Variants in FAXC observed in about 807,000 individuals in gnomAD.
FAXC encodes the protein failed axon connections homolog, metaxin like GST domain containing.
FAXC carries 10 observed loss-of-function variants against 41.9 expected under a neutral mutation model. That is an observed-to-expected ratio of 0.24 (90% CI 0.15 to 0.41). The LOEUF is 0.41. FAXC is among the 10% of genes least tolerant of loss of function. The probability of loss-of-function intolerance (pLI) is 1.00; values close to 1 mark genes in which losing one functional copy is unlikely to be tolerated. For missense variants in FAXC, 399 were observed against 510.9 expected (o/e 0.78, Z 2.11); for synonymous variants, 183 against 183.8 (o/e 1.00, Z 0.03).
chr6:99,297,654 C>A (rs1427257276), intron 4 of FAXC, among the ~76,000 whole-genome samples: 1 of 152,170 alleles, frequency 6.6e-6, no homozygotes, highest in African/African-American at 2.4e-5. Flanking sequence ...TGTATGAGAG[C>A]TGACAGTGTG....
In FAXC at chr6:99,323,647, C is replaced by G; in HGVS notation, c.620G>C (p.Trp207Ser). The part of the protein sequence containing the change: ...HFYWTLAYCQ[W>S]VDNLNETRKM... ...CCGGGTCTCATTGAGATTGTCCACC[C>G]ACTGGCAATAAGCTAATGTCCTGGA... The change falls in exon 4 of 6, where the codon TGG becomes TCG. Residue 207 changes from tryptophan (W) to serine (S), a missense_variant. By Grantham distance (177) the Trp-to-Ser change is radical (BLOSUM62 -3). Transcript: ENST00000389677. 1.2e-6 allele frequency: 2 copies of G among 1,614,182 alleles called. No individual in the cohort carries two copies. The highest frequency in any genetic ancestry group is 1.7e-6 in the Non-Finnish European group (2 of 1,180,006).
At chr6:99,310,057 C>T (rs1484606473) in intron 4 of FAXC, 12 of 187,410 alleles carry the variant, frequency 6.4e-5, no homozygotes, top group Admixed American at 2.0e-4. Context: ...ACTCTCGGAG[C>T]TGTTTTAAGA....
At chr6:99,343,357 T>C (rs1381049339) in intron 1 of FAXC, among the ~76,000 whole-genome samples, 1 of 152,196 alleles carries the variant, frequency 6.6e-6, no homozygotes, top group Non-Finnish European at 1.5e-5. Flanking sequence ...CTAGTACTGG[T>C]CCACCTATTC....
rs1273074342 is a variant in FAXC at position 99,333,496 on chromosome 6, A to G, written c.454T>C (p.Tyr152His). 4.3e-6 allele frequency: 7 copies of G among 1,613,956 alleles called. No homozygotes were observed. Among genetic ancestry groups the G allele is most frequent in the African/African-American group, 1.3e-5 (1 of 74,926 alleles). ...SAQGKMPWIE[Y>H]NHEKVSGTEF... ...GTGCCAGAAACTTTTTCATGATTATATTCAATCCAAGGCATTTTCCCTTGA... is the reference window on the plus strand; with the variant it reads ...GTGCCAGAAACTTTTTCATGATTATGTTCAATCCAAGGCATTTTCCCTTGA... Residue 152 changes from tyrosine to histidine, a missense_variant, in exon 3 of 6, where the codon TAT becomes CAT. Physicochemically the swap from Tyr to His is moderately conservative, Grantham distance 83. Transcript: ENST00000389677.
chr6:99,327,381 T>C (rs1438739046), intron 3 of FAXC, among the ~76,000 whole-genome samples: 1 of 152,202 alleles, frequency 6.6e-6, no homozygotes, highest in Non-Finnish European at 1.5e-5. Context: ...CCTGTTGACA[T>C]GGTTGGAGCC....
At chr6:99,324,769 G>T (rs980823568) in intron 3 of FAXC, among the ~76,000 whole-genome samples, 1 of 152,182 alleles carries the variant, frequency 6.6e-6, no homozygotes, top group Non-Finnish European at 1.5e-5. Context: ...AGAGAATGCA[G>T]CTGTGTGCGA....
At chr6:99,311,543 C>G (rs1359832935) in intron 4 of FAXC, among the ~76,000 whole-genome samples, 2 of 152,140 alleles carry the variant, frequency 1.3e-5, no homozygotes, top group Non-Finnish European at 1.5e-5. Flanking sequence ...CCACTGCACT[C>G]TAGCCTGGGC....
At chr6:99,335,009 T>C (rs191602935) in intron 2 of FAXC, among the ~76,000 whole-genome samples, 28 of 152,330 alleles carry the variant, frequency 1.8e-4, no homozygotes, top group Non-Finnish European at 3.4e-4. Context: ...TGTAAAGTCC[T>C]ATATCCATGC....
chr6:99,273,957 A>G lies in FAXC; in HGVS notation c.*7207T>C, dbSNP rs1770508595. ...AGTTTTACTAATAGGGTGAATAAAC[A>G]TAAACGTTTGGAGACCACTGCCTAA... On this transcript the variant is annotated 3_prime_UTR_variant, in exon 6 of 6. Transcript: ENST00000389677. 6.6e-6 allele frequency: 1 copy of G among 152,192 alleles called. No homozygotes were observed. The highest frequency in any genetic ancestry group is 1.5e-5 in the Non-Finnish European group (1 of 68,032). 9.4% of individuals were successfully genotyped at this position (152,192 alleles called of 1,614,324 possible). A position where few individuals can be genotyped will look rare whatever the true frequency, so the allele number is the denominator to read the frequency against.
Position 99,342,891 on chromosome 6 carries a change from C to T in FAXC, c.402+7G>A. The T allele has an allele frequency of 1.3e-6, 2 of 1,593,870 alleles. No homozygotes were observed. Among genetic ancestry groups the T allele is most frequent in the South Asian group, 2.3e-5 (2 of 86,538 alleles). ...CATAAAAAGAAAACATATTTGCACA[C>T]AAGTACCTGATACGGTAAGTCAGCC... On this transcript the variant is annotated splice_region_variant and intron_variant, in intron 2 of 5. Coordinates refer to ENST00000389677, the MANE Select transcript of FAXC (RefSeq NM_032511.4).
intron 4 of FAXC, among the ~76,000 whole-genome samples, chr6:99,300,846 T>C (rs1365640601): frequency 6.6e-6 from 1 of 152,222 alleles, no homozygotes. Flanking sequence ...CACAATGTCA[T>C]GTTGAAATTT....
At position 99,275,495 on chromosome 6, in the gene FAXC, T is replaced by G. The variant is rs965721489; in HGVS notation, c.*5669A>C. The G allele has an allele frequency of 5.3e-5, 8 of 152,202 alleles. No individual in the cohort carries two copies. The highest frequency in any genetic ancestry group is 1.9e-4 in the African/African-American group (8 of 41,462). The allele number at this position is 152,202 out of a possible 1,614,324, so 9.4% of individuals were successfully genotyped here. A position where few individuals can be genotyped will look rare whatever the true frequency, so the allele number is the denominator to read the frequency against. ...TTTAAGGCAATCATCCTTATGAAAT[T>G]TGAGCATCCTAGTTTGTCATGGTCC... On this transcript the variant is annotated 3_prime_UTR_variant, in exon 6 of 6. Transcript: ENST00000389677.
At chr6:99,335,780 C>G (rs1773195565) in intron 2 of FAXC, among the ~76,000 whole-genome samples, 1 of 152,188 alleles carries the variant, frequency 6.6e-6, no homozygotes, top group Admixed American at 6.5e-5. Context: ...CACCAATTAT[C>G]TATTTCTAAC....
intron 3 of FAXC, among the ~76,000 whole-genome samples, chr6:99,330,948 G>A (rs1025397032): frequency 2.0e-5 from 3 of 152,280 alleles, no homozygotes; most frequent in African/African-American, 4.8e-5. Flanking sequence ...GGGGAAAGGA[G>A]GGTCTTTTCT....
chr6:99,281,553 C>T (rs1770837254), intron 5 of FAXC, 100 bp from the exon 6 acceptor site: 2 of 954,814 alleles, frequency 2.1e-6, no homozygotes, highest in Non-Finnish European at 3.2e-6. Context: ...GAAATCCTGA[C>T]TCCCAATGTG....
chr6:99,301,523 G>C (rs932158517), intron 4 of FAXC, among the ~76,000 whole-genome samples: 1 of 152,152 alleles, frequency 6.6e-6, no homozygotes, highest in African/African-American at 2.4e-5. Flanking sequence ...ATAAAAACCA[G>C]GATGGCCACA....
intron 3 of FAXC, among the ~76,000 whole-genome samples, chr6:99,331,047 G>C (rs559727880): frequency 7.2e-5 from 11 of 152,198 alleles, no homozygotes; most frequent in African/African-American, 2.7e-4. Context: ...TTAAGAAACA[G>C]ATTTGTTTTT....
chr6:99,296,430 T>G (rs962338027), intron 4 of FAXC, among the ~76,000 whole-genome samples: 1 of 152,236 alleles, frequency 6.6e-6, no homozygotes, highest in African/African-American at 2.4e-5. Flanking sequence ...GAGGGATATG[T>G]GGGCACCTGT....
Position 99,349,309 on chromosome 6 carries a change from T to C in FAXC, c.64A>G (p.Ser22Gly). 6.2e-7 allele frequency: 1 copy of C among 1,613,128 alleles called. No homozygotes were observed. The highest frequency in any genetic ancestry group is 8.5e-7 in the Non-Finnish European group (1 of 1,179,960). The change falls in exon 1 of 6, where the codon AGC becomes GGC. Residue 22 changes from serine to glycine, a missense_variant. Coordinates refer to ENST00000389677, the MANE Select transcript of FAXC (RefSeq NM_032511.4). Reference protein sequence around the residue: ...PCVVDLSWNQSISFFGWWAGS... With the variant: ...PCVVDLSWNQGISFFGWWAGS... ...GCCCACCAGCCGAAGAAGGAGATGC[T>C]CTGGTTCCAGCTCAGATCCACCACG...
Sources: gnomAD v4.1 joint callset for allele counts (sites outside exome capture counted in the v4.1 genomes callset) on GRCh38, gnomAD v4.1.1 for gene constraint, MANE v1.5 for transcripts, NCBI Gene and HGNC (gene_info 2026-07-23, HGNC 2026-07-21) for gene names.